NCAPD3: variants seen among roughly 807,000 people sequenced by gnomAD.
The protein encoded by NCAPD3 is condensin-2 complex subunit D3.
Under a neutral mutation model 182.9 loss-of-function variants are expected in NCAPD3, and 105 were observed. The observed-to-expected ratio is 0.57, with a 90% CI of 0.49 to 0.68. NCAPD3 has a LOEUF of 0.68. Among genes scored for constraint, NCAPD3 ranks in the 30% least tolerant of loss-of-function variants. The pLI is 0.00. For missense variants in NCAPD3, 1,944 were observed against 1,837.0 expected, an observed-to-expected ratio of 1.06 and a Z score of -1.07; for synonymous variants, 815 against 679.9, an observed-to-expected ratio of 1.20 and a Z score of -3.09.
rs374718859 is a variant in NCAPD3 at position 134,223,911 on chromosome 11, C to T, written c.16G>A (p.Gly6Ser). 1,082 of 1,612,678 alleles carry T rather than the reference C, an allele frequency of 6.7e-4. 21 individuals are homozygous for T. In the South Asian group the frequency reaches 0.011, roughly 17 times the overall value. Residue 6 changes from glycine to serine, a missense_variant, in exon 1 of 35, where the codon GGC becomes AGC. This residue lies in a region of NCAPD3 where 131 missense variants were observed against 133.9 expected (regional missense o/e 0.98). Transcript: ENST00000534548. MVALR[G>S]LGSGLQPWCP... The stretch of plus-strand genomic sequence containing the variant: ...CAGGGCTGCAGGCCGCTACCAAGGC[C>T]CCGCAACGCCACCATGATCCCAGGG...
At chr11:134,173,789 TA>T (rs1168026004) in intron 24 of NCAPD3, 1 of 151,970 alleles carries the variant, frequency 6.6e-6, no homozygotes, top group Non-Finnish European at 1.5e-5. Flanking sequence ...CTGGGCTCAC[TA>T]ATAAAGACCC....
chr11:134,217,540 G>A (rs1009217860), intron 2 of NCAPD3, among the ~76,000 whole-genome samples: 5 of 152,094 alleles, frequency 3.3e-5, no homozygotes, highest in African/African-American at 1.2e-4. Context: ...GCAGATTGCA[G>A]GCAATGGGAG....
chr11:134,203,317 T>C, intron 11 of NCAPD3, 119 bp from the exon 12 acceptor site: 5 of 781,378 alleles, frequency 6.4e-6, no homozygotes, highest in Non-Finnish European at 1.1e-5. Flanking sequence ...GATTCTAAAT[T>C]GCTGACAACT....
At chr11:134,168,823 G>A in intron 25 of NCAPD3, 94 bp downstream of exon 25, 2 of 1,482,614 alleles carry the variant, frequency 1.3e-6, no homozygotes, top group Non-Finnish European at 9.1e-7. Flanking sequence ...GGCAGGGTCT[G>A]CGTCCAATCA....
chr11:134,160,768 A>T, intron 28 of NCAPD3, among the ~76,000 whole-genome samples: 1 of 152,170 alleles, frequency 6.6e-6, no homozygotes, highest in East Asian at 1.9e-4. Flanking sequence ...AAAGAGAAGG[A>T]ATCCATGCAC....
intron 27 of NCAPD3, among the ~76,000 whole-genome samples, chr11:134,167,469 CACTT>C (rs1226445645): frequency 2.6e-4 from 36 of 138,394 alleles, no homozygotes; most frequent in African/African-American, 5.7e-4. Flanking sequence ...GGCGCACACT[CACTT>C]GTGAGATGAG....
intron 7 of NCAPD3, among the ~76,000 whole-genome samples, chr11:134,208,205 C>T (rs2136017641): frequency 6.6e-6 from 1 of 152,294 alleles, no homozygotes; most frequent in African/African-American, 2.4e-5. Flanking sequence ...GTCGCAGATA[C>T]CAAAAGCCAC....
At chr11:134,180,233 A>G (rs534376620) in intron 20 of NCAPD3, among the ~76,000 whole-genome samples, 6 of 152,218 alleles carry the variant, frequency 3.9e-5, no homozygotes, top group African/African-American at 1.2e-4. Context: ...CTCAGGCTCA[A>G]TGGTCTTCTC....
intron 14 of NCAPD3, among the ~76,000 whole-genome samples, chr11:134,194,354 C>A (rs1944583961): frequency 6.6e-6 from 1 of 152,082 alleles, no homozygotes; most frequent in Non-Finnish European, 1.5e-5. Flanking sequence ...TTTATATAAA[C>A]AAATATTTAC....
At position 134,177,206 on chromosome 11, in the gene NCAPD3, C is replaced by G. The variant is rs1374518381; in HGVS notation, c.3021+13G>C. On this transcript the variant is annotated intron_variant, in intron 23 of 34. Coordinates refer to ENST00000534548, the MANE Select transcript of NCAPD3 (RefSeq NM_015261.3). ...GGTGAAGGGGAAAGGACAGATTGAA[C>G]CCCCCTACGCACCTGCAAGAGATTG... is the stretch of plus-strand genomic sequence containing the variant. The G allele has an allele frequency of 6.3e-7, 1 of 1,586,912 alleles. No homozygotes were observed. The highest frequency in any genetic ancestry group is 8.7e-7 in the Non-Finnish European group (1 of 1,155,356).
intron 24 of NCAPD3, among the ~76,000 whole-genome samples, chr11:134,174,540 G>A (rs999650924): frequency 6.6e-6 from 1 of 151,846 alleles, no homozygotes; most frequent in Non-Finnish European, 1.5e-5. Context: ...TCATATGTAA[G>A]AGTTAAAAAA....
intron 17 of NCAPD3, 120 bp from the exon 18 acceptor site, chr11:134,185,120 T>C (rs1390576164): frequency 3.2e-6 from 3 of 927,044 alleles, no homozygotes; most frequent in Admixed American, 2.0e-5. Flanking sequence ...GGCTTAGGAG[T>C]CAAGCTGTGG....
At chr11:134,220,491 G>C (rs982387109) in intron 2 of NCAPD3, 81 bp downstream of exon 2, 1 of 1,374,438 alleles carries the variant, frequency 7.3e-7, no homozygotes. Flanking sequence ...CACCAAGAAA[G>C]CTAAGCTTCA....
At chr11:134,216,615 G>C (rs988657150) in intron 3 of NCAPD3, among the ~76,000 whole-genome samples, 12 of 152,144 alleles carry the variant, frequency 7.9e-5, no homozygotes, top group African/African-American at 2.9e-4. Flanking sequence ...TCTAGACAAG[G>C]AATCATGAGA....
At chr11:134,168,645 G>A (rs1943929537) in intron 25 of NCAPD3, 43 bp from the exon 26 acceptor site, 2 of 1,611,246 alleles carry the variant, frequency 1.2e-6, no homozygotes, top group Non-Finnish European at 1.7e-6. Flanking sequence ...CATGGGCACG[G>A]GTGTAAGGGA....
intron 28 of NCAPD3, 136 bp from the exon 29 acceptor site, chr11:134,160,210 TAAGA>T (rs894989045): frequency 8.2e-6 from 7 of 858,336 alleles, no homozygotes; most frequent in East Asian, 2.6e-5. Flanking sequence ...AAATAAAAGT[TAAGA>T]AAGAAAAAAG....
At chr11:134,164,029 T>C (rs974115148) in intron 27 of NCAPD3, among the ~76,000 whole-genome samples, 1 of 151,978 alleles carries the variant, frequency 6.6e-6, no homozygotes, top group Non-Finnish European at 1.5e-5. Context: ...AGAGATAGAT[T>C]GGTAAGAGAA....
At chr11:134,156,892 T>C in intron 32 of NCAPD3, 126 bp downstream of exon 32, 1 of 789,842 alleles carries the variant, frequency 1.3e-6, no homozygotes, top group Non-Finnish European at 2.1e-6. Context: ...ACCTCAGCAA[T>C]GCACTCATGG....
At position 134,159,969 on chromosome 11, in the gene NCAPD3, C is replaced by T. The variant is rs760893223; in HGVS notation, c.3790G>A (p.Val1264Ile). 3.1e-6 allele frequency: 5 copies of T among 1,614,132 alleles called. No individual in the cohort carries two copies. The highest frequency in any genetic ancestry group is 3.4e-6 in the Non-Finnish European group (4 of 1,180,040). Residue 1264 changes from valine (V) to isoleucine (I), a missense_variant, in exon 29 of 35, where the codon GTC (valine) becomes ATC (isoleucine). This residue lies in a region of NCAPD3 where 1,803 missense variants were observed against 1,674.6 expected (regional missense o/e 1.08). Coordinates refer to ENST00000534548, the MANE Select transcript of NCAPD3 (RefSeq NM_015261.3). Reference protein sequence around the residue: ...YDMKKYQEQLVQEQELAKHAD... With the variant: ...YDMKKYQEQLIQEQELAKHAD... The stretch of plus-strand genomic sequence containing the variant: ...TGTTTTGCTAGCTCCTGCTCCTGGA[C>T]CAGCTGTTCCTGGTACTTCTTCATG...
Sources: allele counts gnomAD v4.1 joint callset (sites outside exome capture counted in the v4.1 genomes callset), GRCh38; gene constraint gnomAD v4.1.1; regional missense constraint gnomAD v4.1.1; transcripts MANE v1.5; gene names NCBI Gene and HGNC (gene_info 2026-07-23, HGNC 2026-07-21).